Variants in URI1 observed in about 807,000 individuals in gnomAD.
The protein encoded by URI1 is unconventional prefoldin RPB5 interactor 1.
A neutral mutation model predicts 60.2 loss-of-function variants in URI1; 39 were observed. That is an observed-to-expected ratio of 0.65 (90% CI 0.50 to 0.85). The LOEUF (loss-of-function observed/expected upper bound fraction) is 0.85, where lower values mean the gene tolerates loss of function less well. Among genes scored for constraint, URI1 ranks in the 40% least tolerant of loss-of-function variants. The probability of loss-of-function intolerance (pLI) is 0.00; values close to 1 mark genes in which losing one functional copy is unlikely to be tolerated. For synonymous variants in URI1, 251 were observed against 236.8 expected (o/e 1.06, Z -0.55); for missense variants, 691 against 665.9 (o/e 1.04, Z -0.42).
chr19:29,975,728 A>G (rs1415229208), intron 2 of URI1, among the ~76,000 whole-genome samples: 2 of 151,906 alleles, frequency 1.3e-5, no homozygotes, highest in Non-Finnish European at 2.9e-5. Context: ...CTGGTCTCGA[A>G]CTCCTGAGCT....
At chr19:30,014,369 T>TA (rs1328627845) in intron 10 of URI1, 1 of 152,228 alleles carries the variant, frequency 6.6e-6, no homozygotes, top group Non-Finnish European at 1.5e-5. Flanking sequence ...ATTGAGGCAA[T>TA]ATGCAGTAAA....
chr19:30,006,589 T>C (rs1375962372), intron 6 of URI1, among the ~76,000 whole-genome samples: 2 of 152,168 alleles, frequency 1.3e-5, no homozygotes, highest in Admixed American at 6.6e-5. Context: ...ACTACTGTCT[T>C]ATCAATAATA....
chr19:30,014,953 G>A lies in URI1; in HGVS notation c.1492G>A (p.Ala498Thr). The change falls in exon 11 of 11, where the codon GCT becomes ACT. Residue 498 changes from alanine (A) to threonine (T), a missense_variant. Coordinates refer to ENST00000392271, the MANE Select transcript of URI1 (RefSeq NM_003796.3). ...SPSLTPPPAI[A>T]HPALPTIPER... Reference sequence around the variant, plus strand: ...TTCCTTAACACCACCCCCAGCCATTGCTCATCCCGCACTACCCACTATTCC... The same window carrying A: ...TTCCTTAACACCACCCCCAGCCATTACTCATCCCGCACTACCCACTATTCC... 6.2e-7 allele frequency: 1 copy of A among 1,613,688 alleles called. No homozygotes were observed. The highest frequency in any genetic ancestry group is 8.5e-7 in the Non-Finnish European group (1 of 1,179,724).
chr19:29,957,025 G>A (rs2055257585), intron 1 of URI1: 1 of 635,594 alleles, frequency 1.6e-6, no homozygotes, highest in African/African-American at 1.8e-5. Flanking sequence ...GTGGCCCAGA[G>A]TAGTCTTTTT....
At chr19:29,962,530 G>T (rs1396554256) in intron 1 of URI1, among the ~76,000 whole-genome samples, 1 of 145,422 alleles carries the variant, frequency 6.9e-6, no homozygotes, top group Non-Finnish European at 1.5e-5. Flanking sequence ...TTAATTCTAC[G>T]TATTTTAAAC....
intron 4 of URI1, among the ~76,000 whole-genome samples, chr19:30,000,248 A>G (rs1032884134): frequency 1.3e-4 from 19 of 151,866 alleles, no homozygotes; most frequent in African/African-American, 4.6e-4. Flanking sequence ...TTTTGTTGTT[A>G]AAAATTTTAC....
Position 30,015,702 on chromosome 19 carries a change from C to A in URI1, c.*633C>A. On this transcript the variant is annotated 3_prime_UTR_variant, in exon 11 of 11. Transcript: ENST00000392271. Reference sequence around the variant, plus strand: ...AAGTAAAAACTTTATGAAACTTGGTCTCAAAAATGTTGTGAACTTTATGAT... The same window carrying A: ...AAGTAAAAACTTTATGAAACTTGGTATCAAAAATGTTGTGAACTTTATGAT... 1 of 988,200 alleles carries A rather than the reference C, an allele frequency of 1.0e-6. No individual in the cohort carries two copies. The highest frequency in any genetic ancestry group is 1.5e-6 in the Non-Finnish European group (1 of 681,496). 61.2% of individuals were successfully genotyped at this position (988,200 alleles called of 1,614,324 possible).
intron 2 of URI1, among the ~76,000 whole-genome samples, chr19:29,984,988 C>G (rs533243360): frequency 1.3e-5 from 2 of 151,480 alleles, no homozygotes; most frequent in Non-Finnish European, 2.9e-5. Flanking sequence ...TGCATGGTGG[C>G]GCACACTTGT....
chr19:29,949,522 G>A (rs1050791229), intron 1 of URI1, among the ~76,000 whole-genome samples: 1 of 152,258 alleles, frequency 6.6e-6, no homozygotes, highest in Non-Finnish European at 1.5e-5. Context: ...GCTGGGCAGA[G>A]GCTGCAATCT....
intron 1 of URI1, among the ~76,000 whole-genome samples, chr19:29,962,413 T>C (rs1040783868): frequency 4.7e-5 from 7 of 150,384 alleles, no homozygotes; most frequent in Non-Finnish European, 1.0e-4. Flanking sequence ...TTTTTTTTTT[T>C]TTTTTTTTAC....
intron 4 of URI1, among the ~76,000 whole-genome samples, 173 bp downstream of exon 4, chr19:29,986,590 C>T (rs1470744401): frequency 6.6e-6 from 1 of 152,078 alleles, no homozygotes; most frequent in Non-Finnish European, 1.5e-5. Flanking sequence ...TGAGAATGAG[C>T]TGGAGAATGG....
rs10420823 is a variant in URI1, at chr19:29,985,107, G to A, written c.153-116G>A. The A allele has an allele frequency of 2.4e-3, 2,119 of 878,432 alleles. 57 individuals are homozygous for A. In the African/African-American group the frequency reaches 0.046, roughly 19 times the overall value. The allele number at this position is 878,432 out of a possible 1,614,324, so 54.4% of individuals were successfully genotyped here. A position where few individuals can be genotyped will look rare whatever the true frequency, so the allele number is the denominator to read the frequency against. On this transcript the variant is annotated intron_variant, in intron 2 of 10. Coordinates refer to ENST00000392271, the MANE Select transcript of URI1 (RefSeq NM_003796.3). The stretch of plus-strand genomic sequence containing the variant: ...TGCACTTTAGCCTGGGCGACGGAGC[G>A]ACACTCTGTCTCAAAAAAAAAAAAA...
intron 4 of URI1, among the ~76,000 whole-genome samples, chr19:30,004,073 G>GAT (rs2055909977): frequency 6.6e-6 from 1 of 152,028 alleles, no homozygotes; most frequent in Admixed American, 6.6e-5. Context: ...TGCAATCAAA[G>GAT]ATATATGACT....
chr19:29,962,807 C>T (rs1820362593), intron 1 of URI1, among the ~76,000 whole-genome samples: 1 of 152,062 alleles, frequency 6.6e-6, no homozygotes, highest in Admixed American at 6.5e-5. Flanking sequence ...TGAAAGTCTG[C>T]TGGTGCAGAA....
At chr19:29,933,234 A>T (rs2054937934) in intron 1 of URI1, among the ~76,000 whole-genome samples, 1 of 152,192 alleles carries the variant, frequency 6.6e-6, no homozygotes, top group Non-Finnish European at 1.5e-5. Context: ...TTCATCTTGA[A>T]ACAATCTGTT....
Position 30,005,351 on chromosome 19 carries a change from A to G in URI1, c.368-10A>G, listed in dbSNP as rs755095044. On this transcript the variant is annotated splice_polypyrimidine_tract_variant and intron_variant, in intron 4 of 10. Coordinates refer to ENST00000392271, the MANE Select transcript of URI1 (RefSeq NM_003796.3). ...CATGCTTTACATAATGGTTGTGTTC[A>G]TTGTTTCAGATGTAAGAAAAACAAT... 1 of 1,510,220 alleles carries G rather than the reference A, an allele frequency of 6.6e-7. No homozygotes were observed. Among genetic ancestry groups the G allele is most frequent in the East Asian group, 2.3e-5 (1 of 43,916 alleles). The allele number at this position is 1,510,220 out of a possible 1,614,324, so 93.6% of individuals were successfully genotyped here.
chr19:30,013,545 GT>G (rs1435116519), intron 10 of URI1, among the ~76,000 whole-genome samples: 2 of 152,130 alleles, frequency 1.3e-5, no homozygotes, highest in African/African-American at 4.8e-5. Flanking sequence ...TTGAAAATTA[GT>G]TTTTTGTAAG....
At chr19:29,943,131 A>G (rs181862062) in intron 1 of URI1, among the ~76,000 whole-genome samples, 58 of 152,134 alleles carry the variant, frequency 3.8e-4, no homozygotes, top group African/African-American at 1.3e-3. Context: ...TTAAAAAAAA[A>G]AGAGAGTCTC....
At chr19:29,934,769 A>G (rs1259525864) in intron 1 of URI1, among the ~76,000 whole-genome samples, 1 of 150,580 alleles carries the variant, frequency 6.6e-6, no homozygotes, top group African/African-American at 2.4e-5. Context: ...GTTGCTCAGG[A>G]TAGTCTTGAA....
Sources: allele counts gnomAD v4.1 joint callset (sites outside exome capture counted in the v4.1 genomes callset), GRCh38; gene constraint gnomAD v4.1.1; transcripts MANE v1.5; gene names NCBI Gene and HGNC (gene_info 2026-07-23, HGNC 2026-07-21).